ZBTB5: variants seen among roughly 807,000 people sequenced by gnomAD.
ZBTB5 encodes the protein zinc finger and BTB domain containing 5, also known as zinc finger and BTB domain-containing protein 5.
A neutral mutation model predicts 37.9 loss-of-function variants in ZBTB5; 15 were observed. The observed-to-expected ratio is 0.40, with a 90% CI of 0.26 to 0.61. The LOEUF (loss-of-function observed/expected upper bound fraction) is 0.61, where lower values mean the gene tolerates loss of function less well. Ranked by LOEUF, ZBTB5 falls within the 20% of genes least tolerant of loss-of-function variation. The pLI is 0.47. For missense variants in ZBTB5, 708 were observed against 856.8 expected (o/e 0.83, Z 2.17); for synonymous variants, 315 against 312.4 (o/e 1.01, Z -0.09).
rs1226397261 is a variant in ZBTB5 at position 37,438,519 on chromosome 9, G to A, written c.*1999C>T. On this transcript the variant is annotated 3_prime_UTR_variant, in exon 2 of 2. Coordinates refer to ENST00000307750, the MANE Select transcript of ZBTB5 (RefSeq NM_014872.3). The stretch of plus-strand genomic sequence containing the variant: ...CATGTATCAGAGATAAGCCCCAAAA[G>A]CAAAGTCCACTTATGCTTCAGCAGA... The A allele has an allele frequency of 2.0e-5, 3 of 152,260 alleles. No homozygotes were observed. Among genetic ancestry groups the A allele is most frequent in the African/African-American group, 7.2e-5 (3 of 41,416 alleles). 9.4% of individuals were successfully genotyped at this position (152,260 alleles called of 1,614,324 possible).
rs926146682 is a variant in ZBTB5 at position 37,439,446 on chromosome 9, G to A, written c.*1072C>T. The A allele has an allele frequency of 1.3e-5, 2 of 152,218 alleles. No homozygotes were observed. Among genetic ancestry groups the A allele is most frequent in the Non-Finnish European group, 2.9e-5 (2 of 68,036 alleles). The allele number at this position is 152,218 out of a possible 1,614,324, so 9.4% of individuals were successfully genotyped here. On this transcript the variant is annotated 3_prime_UTR_variant, in exon 2 of 2. Transcript: ENST00000307750. ...CAACAAATAATAAAATTTAGGGTCT[G>A]TACTGTTAAAAGTATAGTATATAAC...
In ZBTB5 at chr9:37,441,449, A is replaced by G. The variant is rs780148939; in HGVS notation, c.1103T>C (p.Ile368Thr). ...ATCACTGCTTTCAGGGCTGAGGTCT[A>G]TCTTCTCGGCACTGACCACAACTCC... ...VEGVVVSAEK[I>T]DLSPESSDRS... is the part of the protein sequence containing the mutation. Residue 368 changes from isoleucine (I) to threonine (T), a missense_variant, in exon 2 of 2, where the codon ATA becomes ACA. Coordinates refer to ENST00000307750, the MANE Select transcript of ZBTB5 (RefSeq NM_014872.3). 10 of 1,613,422 alleles carry G rather than the reference A, an allele frequency of 6.2e-6. No homozygotes were observed. The highest frequency in any genetic ancestry group is 2.7e-5 in the African/African-American group (2 of 74,674).
chr9:37,444,222 G>A (rs368964727), intron 1 of ZBTB5, among the ~76,000 whole-genome samples: 1 of 152,254 alleles, frequency 6.6e-6, no homozygotes, highest in African/African-American at 2.4e-5. Flanking sequence ...TTTTGAGACA[G>A]AGTTTCGCTC....
Position 37,442,184 on chromosome 9 carries a change from G to A in ZBTB5, c.368C>T (p.Thr123Met), listed in dbSNP as rs541667157. Reference sequence around the variant, plus strand: ...CTCACTGGGGGGAGACATGGGCAGCGTCCTTGTCGTTAAGTAATGTTTACA... The same window carrying A: ...CTCACTGGGGGGAGACATGGGCAGCATCCTTGTCGTTAAGTAATGTTTACA... Reference protein sequence around the residue: ...KACKHYLTTRTLPMSPPSERV... With the variant: ...KACKHYLTTRMLPMSPPSERV... Residue 123 changes from threonine to methionine, a missense_variant, in exon 2 of 2, where the codon ACG (threonine) becomes ATG (methionine). This residue lies in a region of ZBTB5 where 639 missense variants were observed against 690.5 expected (regional missense o/e 0.93). Transcript: ENST00000307750. 3.7e-5 allele frequency: 59 copies of A among 1,614,238 alleles called. No homozygotes were observed. The highest frequency in any genetic ancestry group is 4.7e-5 in the Non-Finnish European group (55 of 1,180,046).
chr9:37,442,135 G>A lies in ZBTB5; in HGVS notation c.417C>T (p.Arg139=). The change falls in exon 2 of 2, where the codon CGC becomes CGT. Residue 139 remains arginine, a synonymous_variant. Coordinates refer to ENST00000307750, the MANE Select transcript of ZBTB5 (RefSeq NM_014872.3). ...GCTGTAGCATAAAGGAGCGCTGCAT[G>A]CGGGCGCTCTGCTCCTGAACGCGCT... ...PSERVQEQSA[R]MQRSFMLQQL... is the part of the protein sequence containing the mutation. The A allele has an allele frequency of 6.2e-7, 1 of 1,614,222 alleles. No individual in the cohort carries two copies. The highest frequency in any genetic ancestry group is 8.5e-7 in the Non-Finnish European group (1 of 1,180,046).
In ZBTB5 at chr9:37,442,512, G is replaced by A; in HGVS notation, c.40C>T (p.Leu14=). ...PGHFEQIFQQ[L]NYQRLHGQLC... ...TGGCCATGAAGTCTCTGGTAGTTCA[G>A]CTGCTGGAAGATTTGTTCAAAGTGA... The change falls in exon 2 of 2, where the codon CTG becomes TTG. Residue 14 remains leucine (L), a synonymous_variant. Coordinates refer to ENST00000307750, the MANE Select transcript of ZBTB5 (RefSeq NM_014872.3). 6.2e-7 allele frequency: 1 copy of A among 1,607,720 alleles called. No homozygotes were observed. Among genetic ancestry groups the A allele is most frequent in the Non-Finnish European group, 8.5e-7 (1 of 1,175,036 alleles).
At chr9:37,464,415 A>G (rs1824351063) in intron 1 of ZBTB5, among the ~76,000 whole-genome samples, 1 of 152,228 alleles carries the variant, frequency 6.6e-6, no homozygotes, top group Admixed American at 6.5e-5. Context: ...CTTTCACCTA[A>G]AATTTTTCCT....
At position 37,439,067 on chromosome 9, in the gene ZBTB5, T is replaced by C. The variant is rs1823798492; in HGVS notation, c.*1451A>G. 1 of 152,196 alleles carries C rather than the reference T, an allele frequency of 6.6e-6. No homozygotes were observed. The highest frequency in any genetic ancestry group is 2.4e-5 in the African/African-American group (1 of 41,460). 9.4% of individuals were successfully genotyped at this position (152,196 alleles called of 1,614,324 possible). The stretch of plus-strand genomic sequence containing the variant: ...TTTATGAATGATGGTTTGGTATGTC[T>C]AAGAAAGCTATATAAAACATAAAAT... On this transcript the variant is annotated 3_prime_UTR_variant, in exon 2 of 2. Coordinates refer to ENST00000307750, the MANE Select transcript of ZBTB5 (RefSeq NM_014872.3).
Position 37,441,023 on chromosome 9 carries a change from C to T in ZBTB5, c.1529G>A (p.Gly510Asp). The T allele has an allele frequency of 1.2e-6, 2 of 1,614,162 alleles. No individual in the cohort carries two copies. Among genetic ancestry groups the T allele is most frequent in the Admixed American group, 3.3e-5 (2 of 60,018 alleles). Residue 510 changes from glycine (G) to aspartate (D), a missense_variant, in exon 2 of 2, where the codon GGT becomes GAT. By Grantham distance (94) the Gly-to-Asp change is moderately conservative. Transcript: ENST00000307750. The part of the protein sequence containing the change: ...EQFGMDFSRS[G>D]LGLHSSFSRV... ...GGAGAAGGAGGAGTGGAGGCCCAAA[C>T]CAGACCTGGAAAAGTCCATCCCAAA...
chr9:37,446,712 C>T (rs186368176), intron 1 of ZBTB5, among the ~76,000 whole-genome samples: 2 of 152,304 alleles, frequency 1.3e-5, no homozygotes, highest in East Asian at 3.9e-4. Flanking sequence ...GGTCCCCACC[C>T]GACTCACTCA....
In ZBTB5 at chr9:37,439,414, G is replaced by A. The variant is rs1438743115; in HGVS notation, c.*1104C>T. ...AACTTTAAACATTTGGTATCAGATTGGGGGAGCAACAAATAATAAAATTTA... is the reference window on the plus strand; with the variant it reads ...AACTTTAAACATTTGGTATCAGATTAGGGGAGCAACAAATAATAAAATTTA... On this transcript the variant is annotated 3_prime_UTR_variant, in exon 2 of 2. Coordinates refer to ENST00000307750, the MANE Select transcript of ZBTB5 (RefSeq NM_014872.3). 2.0e-5 allele frequency: 3 copies of A among 152,228 alleles called. No homozygotes were observed. Among genetic ancestry groups the A allele is most frequent in the Non-Finnish European group, 2.9e-5 (2 of 68,042 alleles). 9.4% of individuals were successfully genotyped at this position (152,228 alleles called of 1,614,324 possible). A position where few individuals can be genotyped will look rare whatever the true frequency, so the allele number is the denominator to read the frequency against.
intron 1 of ZBTB5, among the ~76,000 whole-genome samples, chr9:37,445,770 TTTG>T (rs1171535886): frequency 3.9e-5 from 6 of 152,046 alleles, no homozygotes; most frequent in African/African-American, 1.2e-4. Flanking sequence ...GGACTGCTGT[TTTG>T]TTGTTGTTTT....
Position 37,462,688 on chromosome 9 carries a change from T to C in ZBTB5, c.-5+2527A>G, listed in dbSNP as rs557067415. On this transcript the variant is annotated intron_variant, in intron 1 of 1. Coordinates refer to ENST00000307750, the MANE Select transcript of ZBTB5 (RefSeq NM_014872.3). ...AAGCGATTCTTCCGCCTCGGCCTCC[T>C]GAGTAGCTGGGATTACAGGCGCACG... is the stretch of plus-strand genomic sequence containing the variant. Among the ~76,000 whole-genome samples the C allele has an allele frequency of 2.6e-5, 4 of 151,938 alleles. No individual in the cohort carries two copies. The East Asian group carries it at 7.7e-4, about 29-fold the overall frequency.
Position 37,464,750 on chromosome 9 carries a change from C to T in ZBTB5, c.-5+465G>A, listed in dbSNP as rs576773015. On this transcript the variant is annotated intron_variant, in intron 1 of 1. Transcript: ENST00000307750. Reference sequence around the variant, plus strand: ...GGCATTCCGAAACACTGGCTCCACCCCTCCAGGGTCGGCCGCTGGCTCCCG... The same window carrying T: ...GGCATTCCGAAACACTGGCTCCACCTCTCCAGGGTCGGCCGCTGGCTCCCG... 3.9e-5 allele frequency among the ~76,000 whole-genome samples: 6 copies of T among 152,372 alleles called. No homozygotes were observed. The East Asian group carries it at 1.2e-3, about 29-fold the overall frequency.
At chr9:37,452,166 T>C (rs1183187572) in intron 1 of ZBTB5, among the ~76,000 whole-genome samples, 1 of 152,176 alleles carries the variant, frequency 6.6e-6, no homozygotes, top group Non-Finnish European at 1.5e-5. Flanking sequence ...AGTTTAGAGG[T>C]TAGAAGCAAG....
intron 1 of ZBTB5, among the ~76,000 whole-genome samples, chr9:37,451,900 A>C (rs181788289): frequency 6.6e-5 from 10 of 152,244 alleles, no homozygotes; most frequent in Non-Finnish European, 1.2e-4. Context: ...TCAGAAATGC[A>C]AAAGCCTGAA....
rs1437034053 is a variant in ZBTB5, at chr9:37,441,494, C to A, written c.1058G>T (p.Ser353Ile). 1.2e-6 allele frequency: 2 copies of A among 1,613,182 alleles called. No individual in the cohort carries two copies. Among genetic ancestry groups the A allele is most frequent in the South Asian group, 1.1e-5 (1 of 90,996 alleles). Residue 353 changes from serine (S) to isoleucine (I), a missense_variant, in exon 2 of 2, where the codon AGC becomes ATC. This residue lies in a region of ZBTB5 where 639 missense variants were observed against 690.5 expected (regional missense o/e 0.93). Coordinates refer to ENST00000307750, the MANE Select transcript of ZBTB5 (RefSeq NM_014872.3). The part of the protein sequence containing the change: ...VSDVTSQAEG[S>I]ESVEVEGVVV... Reference sequence around the variant, plus strand: ...AACTCCTTCCACTTCCACAGACTCGCTGCCTTCTGCTTGTGAGGTCACATC... The same window carrying A: ...AACTCCTTCCACTTCCACAGACTCGATGCCTTCTGCTTGTGAGGTCACATC...
chr9:37,442,170 G>C lies in ZBTB5; in HGVS notation c.382C>G (p.Pro128Ala), dbSNP rs778957187. ...TGCTCCTGAACGCGCTCACTGGGGG[G>C]AGACATGGGCAGCGTCCTTGTCGTT... ...YLTTRTLPMS[P>A]PSERVQEQSA... The change falls in exon 2 of 2, where the codon CCC becomes GCC. Residue 128 changes from proline (P) to alanine (A), a missense_variant. By Grantham distance (27) the Pro-to-Ala change is conservative. This residue lies in a region of ZBTB5 where 639 missense variants were observed against 690.5 expected (regional missense o/e 0.93). Transcript: ENST00000307750. The C allele has an allele frequency of 1.2e-6, 2 of 1,614,226 alleles. No individual in the cohort carries two copies. The highest frequency in any genetic ancestry group is 1.7e-6 in the Non-Finnish European group (2 of 1,180,052).
At chr9:37,460,982 A>C (rs1336503678) in intron 1 of ZBTB5, among the ~76,000 whole-genome samples, 5 of 152,252 alleles carry the variant, frequency 3.3e-5, no homozygotes, top group Admixed American at 6.5e-5. Context: ...AACAGAGAAG[A>C]TGAACATGGA....
Sources: gnomAD v4.1 joint callset for allele counts (sites outside exome capture counted in the v4.1 genomes callset) on GRCh38, gnomAD v4.1.1 for gene constraint, gnomAD v4.1.1 regional missense constraint, MANE v1.5 for transcripts, NCBI Gene and HGNC (gene_info 2026-07-23, HGNC 2026-07-21) for gene names.